Variants in GSE1 observed in about 807,000 individuals in gnomAD.
GSE1 encodes Gse1 coiled-coil protein.
GSE1 carries 32 observed loss-of-function variants against 112.6 expected under a neutral mutation model. That is an observed-to-expected ratio of 0.28 (90% CI 0.21 to 0.38). The LOEUF is 0.38. Among genes scored for constraint, GSE1 ranks in the 10% least tolerant of loss-of-function variants. The pLI, the probability that GSE1 is intolerant of heterozygous loss-of-function variation, is 1.00. For missense variants in GSE1, 2,348 were observed against 1,699.2 expected (o/e 1.38, Z -6.71); for synonymous variants, 1,115 against 735.6 (o/e 1.52, Z -8.35).
chr16:85,401,519 C>G (rs1303169248), intron 2 of GSE1, among the ~76,000 whole-genome samples: 2 of 152,162 alleles, frequency 1.3e-5, no homozygotes, highest in African/African-American at 2.4e-5. Flanking sequence ...CACCAGGGGC[C>G]AGGAGAATGA....
At chr16:85,441,219 C>G (rs75966588) in intron 2 of GSE1, among the ~76,000 whole-genome samples, 2,219 of 152,274 alleles carry the variant, frequency 0.015, 48 homozygotes, top group African/African-American at 0.051. Flanking sequence ...ACGTTTAGCA[C>G]CATCTCTGGC....
upstream of GSE1, among the ~76,000 whole-genome samples, chr16:85,554,259 C>T (rs191067086): frequency 6.6e-6 from 1 of 152,204 alleles, no homozygotes; most frequent in East Asian, 1.9e-4. Context: ...GGTTTTTTCC[C>T]CTTCGATTTG....
At chr16:85,609,158 C>T (rs1289734312), upstream of GSE1, among the ~76,000 whole-genome samples, 3 of 152,208 alleles carry the variant, frequency 2.0e-5, no homozygotes, top group Non-Finnish European at 4.4e-5. Flanking sequence ...TGCCCCCTTG[C>T]CTTCCAAATT....
intron 1 of GSE1, among the ~76,000 whole-genome samples, chr16:85,287,207 T>A (rs1264065293): frequency 6.6e-6 from 1 of 152,220 alleles, no homozygotes; most frequent in African/African-American, 2.4e-5. Flanking sequence ...CAGATCTGGC[T>A]CCTGGAAACT....
intron 1 of GSE1, among the ~76,000 whole-genome samples, chr16:85,301,536 A>T (rs1218198553): frequency 6.6e-6 from 1 of 152,276 alleles, no homozygotes; most frequent in Admixed American, 6.5e-5. Context: ...CTGCATGGGC[A>T]CCGGAAAGAA....
chr16:85,269,756 C>G (rs1908642699), intron 1 of GSE1, among the ~76,000 whole-genome samples: 1 of 149,350 alleles, frequency 6.7e-6, no homozygotes, highest in Admixed American at 6.7e-5. Flanking sequence ...ACCTGGCACT[C>G]TGCAGCAGGT....
intron 1 of GSE1, among the ~76,000 whole-genome samples, chr16:85,174,001 G>A (rs2074411462): frequency 6.6e-6 from 1 of 152,192 alleles, no homozygotes; most frequent in Non-Finnish European, 1.5e-5. Context: ...ACGACACAAA[G>A]CCAGTGGGTA....
chr16:85,342,235 C>T (rs74337701), intron 1 of GSE1, among the ~76,000 whole-genome samples: 19,931 of 152,186 alleles, frequency 0.13, 1,661 homozygotes, highest in Non-Finnish European at 0.19. Flanking sequence ...CCAGTGCATC[C>T]GGACGTGTAT....
At chr16:85,576,085 G>A (rs908767115) in intron 1 of GSE1, among the ~76,000 whole-genome samples, 5 of 152,156 alleles carry the variant, frequency 3.3e-5, no homozygotes, top group African/African-American at 1.2e-4. Flanking sequence ...ACAGGAGCAA[G>A]GCCAGGAATA....
intron 2 of GSE1, among the ~76,000 whole-genome samples, chr16:85,393,518 C>T (rs1427672665): frequency 6.6e-6 from 1 of 152,208 alleles, no homozygotes; most frequent in African/African-American, 2.4e-5. Flanking sequence ...ATATTGACAC[C>T]ATCCCTGGAG....
Position 85,661,509 on chromosome 16 carries a change from G to A in GSE1, c.2004G>A (p.Leu668=). The change falls in exon 9 of 16, where the codon CTG becomes CTA. Residue 668 remains leucine, a synonymous_variant. Transcript: ENST00000253458. ...GGAGCCTGGAGCACCAGCCCTTCCT[G>A]CCCGGGCCCGGGCCCTTCCTGGCTG... The part of the protein sequence containing the change: ...EGGSLEHQPF[L]PGPGPFLAEL... 1 of 1,611,228 alleles carries A rather than the reference G, an allele frequency of 6.2e-7. No homozygotes were observed. Among genetic ancestry groups the A allele is most frequent in the Non-Finnish European group, 8.5e-7 (1 of 1,179,520 alleles).
chr16:85,429,999 A>G (rs996604765), intron 2 of GSE1, among the ~76,000 whole-genome samples: 21 of 152,236 alleles, frequency 1.4e-4, no homozygotes, highest in Admixed American at 1.2e-3. Flanking sequence ...AAAAACGTGC[A>G]GTAAGCACAG....
intron 2 of GSE1, among the ~76,000 whole-genome samples, chr16:85,417,882 C>T (rs761640048): frequency 2.0e-5 from 3 of 152,204 alleles, no homozygotes; most frequent in Non-Finnish European, 2.9e-5. Flanking sequence ...CTCTGTCGGC[C>T]GGGCTGGAGG....
chr16:85,375,737 C>G (rs577943593), intron 2 of GSE1, among the ~76,000 whole-genome samples: 155 of 65,932 alleles, frequency 2.4e-3, no homozygotes, highest in Middle Eastern at 0.018. Context: ...ACCACACAGG[C>G]CTGCCTGTCT....
At chr16:85,571,554 G>A (rs928670495) in intron 1 of GSE1, among the ~76,000 whole-genome samples, 5 of 152,178 alleles carry the variant, frequency 3.3e-5, no homozygotes, top group Non-Finnish European at 7.3e-5. Context: ...ATACTGGCAC[G>A]GGCCTGGGAG....
chr16:85,315,443 T>C (rs1285678542), intron 1 of GSE1, among the ~76,000 whole-genome samples: 2 of 152,114 alleles, frequency 1.3e-5, no homozygotes, highest in African/African-American at 4.8e-5. Flanking sequence ...GGACTGGGGA[T>C]TGGCCCTGAG....
chr16:85,468,035 A>C (rs1274389432), intron 2 of GSE1, among the ~76,000 whole-genome samples: 1 of 152,126 alleles, frequency 6.6e-6, no homozygotes, highest in Non-Finnish European at 1.5e-5. Context: ...TTCTCTGCCC[A>C]TCCCTCACTG....
intron 2 of GSE1, among the ~76,000 whole-genome samples, chr16:85,439,384 G>A (rs2049322953): frequency 6.6e-6 from 1 of 152,236 alleles, no homozygotes; most frequent in Non-Finnish European, 1.5e-5. Flanking sequence ...CCTGCCATCT[G>A]GCTCTCTCAG....
intron 1 of GSE1, among the ~76,000 whole-genome samples, chr16:85,181,601 C>CGTTTTATTCA (rs1476853775): frequency 6.6e-6 from 1 of 152,230 alleles, no homozygotes; most frequent in Admixed American, 6.5e-5. Context: ...GCTGCTGCGG[C>CGTTTTATTCA]GTTTTATTCA....
Sources: allele counts gnomAD v4.1 joint callset (sites outside exome capture counted in the v4.1 genomes callset), GRCh38; gene constraint gnomAD v4.1.1; transcripts MANE v1.5; gene names NCBI Gene and HGNC (gene_info 2026-07-23, HGNC 2026-07-21).